The following KCNB2 variants were observed in gnomAD, a reference collection of about 807,000 sequenced individuals.
KCNB2 encodes delayed rectifier potassium channel protein.
KCNB2 carries 15 observed loss-of-function variants against 61.5 expected under a neutral mutation model. That is an observed-to-expected ratio of 0.24 (90% CI 0.16 to 0.38). KCNB2 has a LOEUF of 0.38. Ranked by LOEUF, KCNB2 falls within the 10% of genes least tolerant of loss-of-function variation. The pLI is 1.00. For synonymous variants in KCNB2, 457 were observed against 446.0 expected (o/e 1.02, Z -0.31); for missense variants, 828 against 1,125.2 (o/e 0.74, Z 3.78).
At chr8:72,832,814 C>T (rs1257451165) in intron 2 of KCNB2, among the ~76,000 whole-genome samples, 2 of 152,202 alleles carry the variant, frequency 1.3e-5, no homozygotes, top group East Asian at 3.9e-4. Flanking sequence ...CACCTATATA[C>T]ACAGTGGGTT....
At chr8:72,738,730 G>A (rs1175847225) in intron 2 of KCNB2, among the ~76,000 whole-genome samples, 2 of 152,146 alleles carry the variant, frequency 1.3e-5, no homozygotes, top group East Asian at 3.9e-4. Flanking sequence ...CTGAGACTTG[G>A]TGGTTCTGGC....
At chr8:72,578,543 G>A (rs1030350853) in intron 2 of KCNB2, among the ~76,000 whole-genome samples, 1 of 151,946 alleles carries the variant, frequency 6.6e-6, no homozygotes, top group Non-Finnish European at 1.5e-5. Context: ...AAAAAAAATC[G>A]GTTTTAAGCC....
chr8:72,774,731 A>G (rs1481880939), intron 2 of KCNB2, among the ~76,000 whole-genome samples: 1 of 152,130 alleles, frequency 6.6e-6, no homozygotes, highest in Non-Finnish European at 1.5e-5. Context: ...AAGAATTCTC[A>G]TGTCCTACTA....
Position 72,580,140 on chromosome 8 carries a change from G to A in KCNB2, c.579+11827G>A, listed in dbSNP as rs370890189. 1.1e-4 allele frequency among the ~76,000 whole-genome samples: 16 copies of A among 152,294 alleles called. No homozygotes were observed. The East Asian group carries it at 2.9e-3, about 28-fold the overall frequency. The stretch of plus-strand genomic sequence containing the variant: ...GTTTCTGTTGCAACTACTCAGCTCT[G>A]CTGCTGTGGTGAGAAAGCAACCACG... On this transcript the variant is annotated intron_variant, in intron 2 of 2. Transcript: ENST00000523207.
At chr8:72,795,921 A>G (rs1809024609) in intron 2 of KCNB2, among the ~76,000 whole-genome samples, 1 of 152,210 alleles carries the variant, frequency 6.6e-6, no homozygotes, top group Non-Finnish European at 1.5e-5. Flanking sequence ...ATAATTTGAA[A>G]GAGTTTGAAA....
intron 2 of KCNB2, among the ~76,000 whole-genome samples, chr8:72,575,136 A>G (rs554514455): frequency 3.3e-5 from 5 of 152,284 alleles, no homozygotes; most frequent in South Asian, 2.1e-4. Context: ...TGGAACTTCA[A>G]TCTGAAAGTT....
intron 2 of KCNB2, among the ~76,000 whole-genome samples, chr8:72,814,310 T>C (rs1377570470): frequency 1.3e-5 from 2 of 152,214 alleles, no homozygotes; most frequent in Non-Finnish European, 2.9e-5. Context: ...CTTATAAGCA[T>C]TCTTGTTCAT....
chr8:72,871,550 G>C (rs1805617655), intron 2 of KCNB2, among the ~76,000 whole-genome samples: 1 of 152,218 alleles, frequency 6.6e-6, no homozygotes, highest in Non-Finnish European at 1.5e-5. Flanking sequence ...TGTATCCCCA[G>C]CATTTCCCAT....
At chr8:72,771,362 T>A (rs564110388) in intron 2 of KCNB2, among the ~76,000 whole-genome samples, 1 of 152,216 alleles carries the variant, frequency 6.6e-6, no homozygotes, top group Non-Finnish European at 1.5e-5. Flanking sequence ...CCTTTTTATA[T>A]ATTTTTTATT....
chr8:72,730,228 A>G (rs958608592), intron 2 of KCNB2, among the ~76,000 whole-genome samples: 1 of 152,182 alleles, frequency 6.6e-6, no homozygotes, highest in African/African-American at 2.4e-5. Context: ...TAGAGCCAAA[A>G]GTACATTTAT....
chr8:72,861,753 G>A (rs1393934881), intron 2 of KCNB2, among the ~76,000 whole-genome samples: 3 of 152,172 alleles, frequency 2.0e-5, no homozygotes, highest in Non-Finnish European at 4.4e-5. Context: ...CATTGATCTT[G>A]TTAAAATTAA....
chr8:72,770,025 A>G (rs1808534602), intron 2 of KCNB2, among the ~76,000 whole-genome samples: 1 of 152,224 alleles, frequency 6.6e-6, no homozygotes, highest in African/African-American at 2.4e-5. Context: ...ATCACTTCTC[A>G]TCAGAGGCCA....
intron 2 of KCNB2, among the ~76,000 whole-genome samples, chr8:72,588,259 C>T (rs375575304): frequency 1.5e-4 from 22 of 142,668 alleles, no homozygotes; most frequent in Middle Eastern, 3.5e-3. Flanking sequence ...GCACTTGTTG[C>T]CCAGGCTGGA....
At chr8:72,836,465 G>C (rs982890387) in intron 2 of KCNB2, among the ~76,000 whole-genome samples, 1 of 152,176 alleles carries the variant, frequency 6.6e-6, no homozygotes, top group Non-Finnish European at 1.5e-5. Flanking sequence ...TGCCAGCCTG[G>C]GTTGACTCCT....
At chr8:72,846,352 C>T (rs893840415) in intron 2 of KCNB2, among the ~76,000 whole-genome samples, 1 of 152,116 alleles carries the variant, frequency 6.6e-6, no homozygotes. Flanking sequence ...TAGGCATGGG[C>T]AAGGACTTCA....
Position 72,597,269 on chromosome 8 carries a change from C to T in KCNB2, c.579+28956C>T, listed in dbSNP as rs572674933. Among the ~76,000 whole-genome samples, 11 of 152,140 alleles carry T rather than the reference C, an allele frequency of 7.2e-5. No homozygotes were observed. In the South Asian group the frequency reaches 1.9e-3, roughly 26 times the overall value. ...CAGGTTGGTCTTGATCTCCCTACCT[C>T]GTGATCTGCCCACCTCGGCCTTCCA... On this transcript the variant is annotated intron_variant, in intron 2 of 2. Coordinates refer to ENST00000523207, the MANE Select transcript of KCNB2 (RefSeq NM_004770.3).
At chr8:72,671,743 A>G (rs560911946) in intron 2 of KCNB2, among the ~76,000 whole-genome samples, 1 of 152,134 alleles carries the variant, frequency 6.6e-6, no homozygotes, top group African/African-American at 2.4e-5. Flanking sequence ...GGTCAATATA[A>G]TCTTAGCAGT....
intron 2 of KCNB2, among the ~76,000 whole-genome samples, chr8:72,603,902 C>T (rs934268172): frequency 2.6e-5 from 4 of 152,006 alleles, no homozygotes; most frequent in African/African-American, 9.7e-5. Flanking sequence ...ATCTACAAGC[C>T]GAGGAATGCC....
intron 2 of KCNB2, among the ~76,000 whole-genome samples, chr8:72,683,890 T>C (rs922455568): frequency 1.1e-4 from 17 of 152,248 alleles, no homozygotes; most frequent in African/African-American, 4.1e-4. Flanking sequence ...GTTGGAAACG[T>C]TGGCAGGAGC....
Sources: allele counts gnomAD v4.1 joint callset (sites outside exome capture counted in the v4.1 genomes callset), GRCh38; gene constraint gnomAD v4.1.1; transcripts MANE v1.5; gene names NCBI Gene and HGNC (gene_info 2026-07-23, HGNC 2026-07-21).